Variants in AFF3 observed in about 807,000 individuals in gnomAD.
AFF3 encodes the protein ALF transcription elongation factor 3, also known as AF4/FMR2 family member 3.
A neutral mutation model predicts 129.7 loss-of-function variants in AFF3; 32 were observed. The ratio of observed to expected loss-of-function variants is 0.25; its 90% CI spans 0.19 to 0.33. AFF3 has a LOEUF of 0.33. AFF3 is among the 10% of genes least tolerant of loss of function. The pLI, the probability that AFF3 is intolerant of heterozygous loss-of-function variation, is 1.00. For synonymous variants in AFF3, 644 were observed against 635.4 expected, an observed-to-expected ratio of 1.01 and a Z score of -0.20; for missense variants, 1,373 against 1,592.0, an observed-to-expected ratio of 0.86 and a Z score of 2.34.
At chr2:99,870,972 A>G (rs1389686351) in intron 7 of AFF3, among the ~76,000 whole-genome samples, 1 of 152,216 alleles carries the variant, frequency 6.6e-6, no homozygotes, top group Non-Finnish European at 1.5e-5. Flanking sequence ...TTGTAATTAC[A>G]GATTGCACAT....
intron 21 of AFF3, 33 bp downstream of exon 21, chr2:99,560,332 G>A: frequency 6.2e-7 from 1 of 1,608,512 alleles, no homozygotes; most frequent in Non-Finnish European, 8.5e-7. Flanking sequence ...TGCGAGGCTG[G>A]GGCTGCTATT....
At chr2:100,060,229 T>C (rs1450710233) in intron 4 of AFF3, among the ~76,000 whole-genome samples, 2 of 152,214 alleles carry the variant, frequency 1.3e-5, no homozygotes, top group Non-Finnish European at 2.9e-5. Flanking sequence ...GTGAAAGTCC[T>C]GGTGCTACAA....
At chr2:99,776,993 A>T (rs1683954469) in intron 8 of AFF3, among the ~76,000 whole-genome samples, 4 of 152,226 alleles carry the variant, frequency 2.6e-5, no homozygotes, top group Admixed American at 2.6e-4. Flanking sequence ...AAAGAAGCTT[A>T]CAGGGCAGTT....
chr2:99,934,265 T>G (rs376257363), intron 7 of AFF3, among the ~76,000 whole-genome samples: 1 of 152,136 alleles, frequency 6.6e-6, no homozygotes, highest in East Asian at 1.9e-4. Context: ...TGGTTTGACA[T>G]GTTTAGTTCA....
intron 1 of AFF3, among the ~76,000 whole-genome samples, chr2:100,134,378 AT>A (rs922977200): frequency 3.9e-5 from 6 of 151,998 alleles, no homozygotes; most frequent in African/African-American, 1.4e-4. Context: ...AGGCATCTGT[AT>A]TTTTTTTCTG....
rs1280475303 is a variant in AFF3 at position 99,672,175 on chromosome 2, TTCTCACACACAC to T, written c.1143+351_1143+362del. 6.4e-5 allele frequency among the ~76,000 whole-genome samples: 9 copies of T among 139,630 alleles called. No individual in the cohort carries two copies. In the South Asian group the frequency reaches 1.4e-3, roughly 22 times the overall value. The allele number at this position is 139,630 out of a possible 152,430, so 91.6% of individuals were successfully genotyped here. ...TTTGATCTCCAGAAGGCCAGTTAGC[TTCTCACACACAC>T]ACACACACACACACACACACACACA... On this transcript the variant is annotated intron_variant, in intron 12 of 24. Coordinates refer to ENST00000672756, the MANE Select transcript of AFF3 (RefSeq NM_001386135.1).
At chr2:99,758,724 T>C (rs373578028) in intron 8 of AFF3, among the ~76,000 whole-genome samples, 13 of 152,300 alleles carry the variant, frequency 8.5e-5, no homozygotes, top group African/African-American at 2.9e-4. Flanking sequence ...TTGTCACTTA[T>C]GCCCAATCTT....
intron 4 of AFF3, among the ~76,000 whole-genome samples, chr2:100,026,320 G>A (rs1684038109): frequency 1.3e-5 from 2 of 152,142 alleles, no homozygotes; most frequent in Admixed American, 1.3e-4. Flanking sequence ...CTAATGATCA[G>A]GGAAATGCAA....
At chr2:100,070,710 C>T (rs1227719918) in intron 4 of AFF3, among the ~76,000 whole-genome samples, 1 of 152,138 alleles carries the variant, frequency 6.6e-6, no homozygotes, top group Non-Finnish European at 1.5e-5. Context: ...CTGGCCATGG[C>T]TCCTGAAGAT....
intron 24 of AFF3, among the ~76,000 whole-genome samples, chr2:99,553,098 G>C (rs193107070): frequency 6.6e-6 from 1 of 152,006 alleles, no homozygotes; most frequent in Non-Finnish European, 1.5e-5. Context: ...CACCACACCC[G>C]GCTAATGTTT....
chr2:99,960,407 T>C (rs909593736), intron 7 of AFF3, among the ~76,000 whole-genome samples: 5 of 152,150 alleles, frequency 3.3e-5, no homozygotes, highest in Admixed American at 1.3e-4. Flanking sequence ...AAAAGTACCG[T>C]AGTCATTCTG....
At chr2:99,671,178 G>C (rs979401329) in intron 12 of AFF3, among the ~76,000 whole-genome samples, 1 of 152,096 alleles carries the variant, frequency 6.6e-6, no homozygotes, top group Non-Finnish European at 1.5e-5. Context: ...ATGTATCCAG[G>C]CCACTTAATG....
chr2:99,867,198 A>C (rs762532330), intron 7 of AFF3, among the ~76,000 whole-genome samples: 1 of 152,062 alleles, frequency 6.6e-6, no homozygotes, highest in South Asian at 2.1e-4. Flanking sequence ...AACAAAGCCC[A>C]ACACTTGAAG....
At chr2:100,074,752 T>C (rs1447792529) in intron 4 of AFF3, among the ~76,000 whole-genome samples, 1 of 152,152 alleles carries the variant, frequency 6.6e-6, no homozygotes, top group Non-Finnish European at 1.5e-5. Context: ...AGGTCCTTCC[T>C]AAGACTCAAC....
At chr2:99,760,423 C>T (rs191049795) in intron 8 of AFF3, among the ~76,000 whole-genome samples, 7 of 152,140 alleles carry the variant, frequency 4.6e-5, no homozygotes, top group East Asian at 1.9e-4. Context: ...TGGGATAATA[C>T]GATTTGATAA....
intron 11 of AFF3, among the ~76,000 whole-genome samples, chr2:99,708,549 T>C (rs1677617999): frequency 6.6e-6 from 1 of 152,200 alleles, no homozygotes. Context: ...AATTTTTTCC[T>C]TCAAAATCTG....
intron 13 of AFF3, among the ~76,000 whole-genome samples, chr2:99,606,930 A>AG (rs1294969372): frequency 1.3e-5 from 2 of 151,600 alleles, no homozygotes; most frequent in East Asian, 3.9e-4. Flanking sequence ...AAAAAAAAAA[A>AG]AAAAAAAAAG....
chr2:99,774,383 C>G (rs993016679), intron 8 of AFF3, among the ~76,000 whole-genome samples: 6 of 152,138 alleles, frequency 3.9e-5, no homozygotes, highest in African/African-American at 1.4e-4. Flanking sequence ...GGTACTGGTA[C>G]AAGAACAGAC....
chr2:99,849,750 C>T (rs985365865), intron 7 of AFF3, among the ~76,000 whole-genome samples: 1 of 152,176 alleles, frequency 6.6e-6, no homozygotes, highest in African/African-American at 2.4e-5. Flanking sequence ...TTATCTCTAC[C>T]ATTCTCCTCT....
Sources: allele counts gnomAD v4.1 joint callset (sites outside exome capture counted in the v4.1 genomes callset), GRCh38; gene constraint gnomAD v4.1.1; transcripts MANE v1.5; gene names NCBI Gene and HGNC (gene_info 2026-07-23, HGNC 2026-07-21).